POU2F1: variants seen among roughly 807,000 people sequenced by gnomAD.
POU2F1 encodes POU class 2 homeobox 1, also known as POU domain, class 2, transcription factor 1.
A neutral mutation model predicts 84.9 loss-of-function variants in POU2F1; 16 were observed. The ratio of observed to expected loss-of-function variants is 0.19; its 90% CI spans 0.13 to 0.29. The LOEUF (loss-of-function observed/expected upper bound fraction) is 0.29. Ranked by LOEUF, POU2F1 falls within the 10% of genes least tolerant of loss-of-function variation. POU2F1 has a pLI of 1.00. For missense variants in POU2F1, 738 were observed against 942.6 expected (o/e 0.78, Z 2.84); for synonymous variants, 368 against 368.3 (o/e 1.00, Z 0.01).
chr1:167,223,977 A>G (rs1648432039), intron 1 of POU2F1, among the ~76,000 whole-genome samples: 1 of 152,168 alleles, frequency 6.6e-6, no homozygotes, highest in South Asian at 2.1e-4. Flanking sequence ...TAGGGAAACC[A>G]TTTATTTCGG....
At chr1:167,292,464 A>G (rs1653994389) in intron 1 of POU2F1, among the ~76,000 whole-genome samples, 2 of 151,674 alleles carry the variant, frequency 1.3e-5, no homozygotes, top group Non-Finnish European at 2.9e-5. Flanking sequence ...ACTGATAAGC[A>G]GCAAAATTGA....
chr1:167,236,399 C>A (rs1649459186), intron 1 of POU2F1, among the ~76,000 whole-genome samples: 1 of 152,088 alleles, frequency 6.6e-6, no homozygotes, highest in Non-Finnish European at 1.5e-5. Flanking sequence ...CCGCGCCCGG[C>A]CGACATCTTC....
rs192395579 is a variant in POU2F1, at chr1:167,350,741, A to G, written c.128-14726A>G. Among the ~76,000 whole-genome samples, 821 of 151,928 alleles carry G rather than the reference A, an allele frequency of 5.4e-3. 10 individuals carry two copies. The highest frequency in any genetic ancestry group is 0.019 in the African/African-American group (782 of 41,436). On this transcript the variant is annotated intron_variant, in intron 2 of 15. Transcript: ENST00000367866. ...AGGCTGGGCACGGTGGCTCATGCCT[A>G]TAATCCCAGCACTTCAGGAGGCTGA... is the stretch of plus-strand genomic sequence containing the variant.
At chr1:167,297,373 T>C (rs909628312) in intron 1 of POU2F1, among the ~76,000 whole-genome samples, 5 of 152,168 alleles carry the variant, frequency 3.3e-5, no homozygotes, top group Admixed American at 3.3e-4. Context: ...TCAAGGACAA[T>C]AGGGCAGGGC....
intron 1 of POU2F1, among the ~76,000 whole-genome samples, chr1:167,263,114 T>C (rs1257672052): frequency 6.6e-6 from 1 of 152,242 alleles, no homozygotes; most frequent in Non-Finnish European, 1.5e-5. Context: ...TTTGTTTTCT[T>C]TATAAACATA....
intron 2 of POU2F1, among the ~76,000 whole-genome samples, chr1:167,348,796 C>G (rs1658369913): frequency 6.6e-6 from 1 of 152,168 alleles, no homozygotes; most frequent in Admixed American, 6.5e-5. Flanking sequence ...CTCATCTCTC[C>G]TACATCTTAG....
intron 9 of POU2F1, 26 bp from the exon 10 acceptor site, chr1:167,396,260 C>T (rs2101906993): frequency 2.5e-6 from 4 of 1,611,498 alleles, no homozygotes; most frequent in East Asian, 2.2e-5. Flanking sequence ...TTCCTCTCCT[C>T]TTCTCCTGCT....
chr1:167,325,734 C>T (rs1292069791), intron 1 of POU2F1, among the ~76,000 whole-genome samples: 1 of 151,822 alleles, frequency 6.6e-6, no homozygotes, highest in Non-Finnish European at 1.5e-5. Flanking sequence ...ACTAAAAATA[C>T]AAAAATTAGC....
chr1:167,409,412 A>G (rs1462939987), intron 13 of POU2F1, among the ~76,000 whole-genome samples: 2 of 152,172 alleles, frequency 1.3e-5, no homozygotes, highest in African/African-American at 2.4e-5. Flanking sequence ...TGTTGAGGAC[A>G]TTGAGGCTCA....
intron 2 of POU2F1, among the ~76,000 whole-genome samples, chr1:167,352,150 CTCA>C (rs1412893930): frequency 1.3e-5 from 2 of 152,146 alleles, no homozygotes; most frequent in Non-Finnish European, 2.9e-5. Context: ...AATGGTAATA[CTCA>C]TCATGGTAGA....
At chr1:167,367,277 C>G (rs1288516518) in intron 3 of POU2F1, among the ~76,000 whole-genome samples, 5 of 152,134 alleles carry the variant, frequency 3.3e-5, no homozygotes, top group Non-Finnish European at 5.9e-5. Context: ...TATACATACA[C>G]AAAATCGATG....
At chr1:167,414,850 T>C in intron 15 of POU2F1, 1 of 625,118 alleles carries the variant, frequency 1.6e-6, no homozygotes, top group Non-Finnish European at 2.0e-6. Flanking sequence ...CTAAAGCCTT[T>C]TTGCAAGATG....
chr1:167,398,089 A>T lies in POU2F1; in HGVS notation c.1225A>T (p.Ile409Leu). Residue 409 changes from isoleucine (I) to leucine (L), a missense_variant, in exon 11 of 16, where the codon ATA becomes TTA. By Grantham distance (5) the Ile-to-Leu change is conservative. Around this residue, in one of 4 missense-constraint regions of POU2F1, gnomAD observed 95 missense variants for 195.1 expected, o/e 0.49. Coordinates refer to ENST00000367866, the MANE Select transcript of POU2F1 (RefSeq NM_002697.4). ...CCGTAGGAGGAAGAAACGCACCAGC[A>T]TAGAGACCAACATCCGTGTGGCCTT... ...LSRRRKKRTSIETNIRVALEK... is the reference protein window; with the variant it reads ...LSRRRKKRTSLETNIRVALEK... 1 of 1,614,156 alleles carries T rather than the reference A, an allele frequency of 6.2e-7. No individual in the cohort carries two copies. The highest frequency in any genetic ancestry group is 8.5e-7 in the Non-Finnish European group (1 of 1,180,012).
chr1:167,377,995 G>A (rs888350363), intron 7 of POU2F1, among the ~76,000 whole-genome samples: 3 of 152,144 alleles, frequency 2.0e-5, no homozygotes, highest in Non-Finnish European at 4.4e-5. Flanking sequence ...ATTGTGAATA[G>A]TGCTGCAATT....
At chr1:167,409,908 A>G (rs1013332183) in intron 13 of POU2F1, among the ~76,000 whole-genome samples, 1 of 152,234 alleles carries the variant, frequency 6.6e-6, no homozygotes, top group African/African-American at 2.4e-5. Flanking sequence ...GTACATTGAA[A>G]TTGCTTAGCA....
At chr1:167,324,696 T>G (rs543697305) in intron 1 of POU2F1, among the ~76,000 whole-genome samples, 2 of 152,356 alleles carry the variant, frequency 1.3e-5, no homozygotes, top group African/African-American at 4.8e-5. Flanking sequence ...AGTAGCTATG[T>G]GACCCTAAGG....
rs869170039 is a variant in POU2F1 at position 167,343,632 on chromosome 1, A to ATTT, written c.127+11149_127+11151dup. 2.6e-4 allele frequency among the ~76,000 whole-genome samples: 18 copies of ATTT among 69,398 alleles called. 1 individual carries two copies. Among genetic ancestry groups the ATTT allele is most frequent in the Non-Finnish European group, 3.1e-4 (11 of 35,560 alleles). 45.5% of individuals were successfully genotyped at this position (69,398 alleles called of 152,430 possible). On this transcript the variant is annotated intron_variant, in intron 2 of 15. Coordinates refer to ENST00000367866, the MANE Select transcript of POU2F1 (RefSeq NM_002697.4). ...CAATGGCAATAGAAGCCAGGGGTCA[A>ATTT]TTTTTTTTTTTTTTTTTTTTTTTTT...
Position 167,396,761 on chromosome 1 carries a change from G to C in POU2F1, c.1129+334G>C, listed in dbSNP as rs184216074. On this transcript the variant is annotated intron_variant, in intron 10 of 15. Coordinates refer to ENST00000367866, the MANE Select transcript of POU2F1 (RefSeq NM_002697.4). ...TTTGTATTTAGATAAGCTTGAAGTA[G>C]AAGCTTATTGTTTCTTCCTTGATGA... 9.5e-4 allele frequency: 172 copies of C among 181,186 alleles called. 1 individual carries two copies. Among genetic ancestry groups the C allele is most frequent in the Admixed American group, 3.4e-3 (56 of 16,380 alleles). 11.2% of individuals were successfully genotyped at this position (181,186 alleles called of 1,614,324 possible).
At chr1:167,378,686 G>A (rs1037270632) in intron 7 of POU2F1, among the ~76,000 whole-genome samples, 10 of 152,008 alleles carry the variant, frequency 6.6e-5, no homozygotes, top group Non-Finnish European at 1.2e-4. Flanking sequence ...GATTACAGGC[G>A]TTAGCCACTG....
Sources: gnomAD v4.1 joint callset for allele counts (sites outside exome capture counted in the v4.1 genomes callset) on GRCh38, gnomAD v4.1.1 for gene constraint, gnomAD v4.1.1 regional missense constraint, MANE v1.5 for transcripts, NCBI Gene and HGNC (gene_info 2026-07-23, HGNC 2026-07-21) for gene names.